ADGRG4: variants seen among roughly 807,000 people sequenced by gnomAD.
The protein encoded by ADGRG4 is G protein-coupled receptor 112.
In ADGRG4, 122 loss-of-function variants were observed where a neutral mutation model predicts 126.2. The observed-to-expected ratio is 0.97, with a 90% confidence interval of 0.83 to 1.12. The LOEUF is 1.12. ADGRG4 is among the 50% of genes most tolerant of loss of function. The pLI, the probability that ADGRG4 is intolerant of heterozygous loss-of-function variation, is 0.00. For missense variants in ADGRG4, 2,481 were observed against 2,251.8 expected, an observed-to-expected ratio of 1.10 and a Z score of -2.06; for synonymous variants, 943 against 838.7, an observed-to-expected ratio of 1.12 and a Z score of -2.15.
At chrX:136,357,438 A>G (rs1206902761) in intron 9 of ADGRG4, among the ~76,000 whole-genome samples, 1 of 112,122 alleles carries the variant, frequency 8.9e-6, no homozygotes, top group African/African-American at 3.2e-5. Flanking sequence ...TGTCTTGTCA[A>G]CTGTGTGATA....
rs138853777 is a variant in ADGRG4 at position 136,323,387 on chromosome X, G to C, written c.680G>C (p.Arg227Pro). The C allele has an allele frequency of 8.4e-7, 1 of 1,196,611 alleles. No individual in the cohort carries two copies. The highest frequency in any genetic ancestry group is 1.8e-5 in the African/African-American group (1 of 56,590). ...KIIPTVDRTL[R>P]CFVPENMTIQ... is the part of the protein sequence containing the mutation. The stretch of plus-strand genomic sequence containing the variant: ...ATCCCAACTGTTGACAGGACACTGC[G>C]CTGCTGTGAGTAACTTAACAACTTT... The change falls in exon 5 of 26, where the codon CGC becomes CCC. Residue 227 changes from arginine to proline, a missense_variant. Arg to Pro is a moderately radical substitution (Grantham distance 103). Transcript: ENST00000394143.
intron 5 of ADGRG4, among the ~76,000 whole-genome samples, chrX:136,326,535 C>G (rs2074874360): frequency 9.0e-6 from 1 of 111,285 alleles, no homozygotes; most frequent in Non-Finnish European, 1.9e-5. Flanking sequence ...TCTGTGGCCC[C>G]CAAAATGTTA....
At chrX:136,343,967 T>A (rs1176025064) in intron 5 of ADGRG4, among the ~76,000 whole-genome samples, 1 of 111,886 alleles carries the variant, frequency 8.9e-6, no homozygotes, top group African/African-American at 3.2e-5. Context: ...TTTTTTCTTT[T>A]TGGAATATTT....
chrX:136,310,926 A>G lies in ADGRG4; in HGVS notation c.70+2079A>G, dbSNP rs761283612. Among the ~76,000 whole-genome samples the G allele has an allele frequency of 2.7e-5, 3 of 111,594 alleles. No individual in the cohort carries two copies. In the East Asian group the frequency reaches 8.5e-4, roughly 32 times the overall value. The stretch of plus-strand genomic sequence containing the variant: ...TCTGTCTTAGTCTGCTCAGGATGCC[A>G]TAACAAAATACTATAGATTGGATGA... On this transcript the variant is annotated intron_variant, in intron 4 of 25. Coordinates refer to ENST00000394143, the MANE Select transcript of ADGRG4 (RefSeq NM_153834.4).
intron 3 of ADGRG4, 100 bp from the exon 4 acceptor site, chrX:136,308,669 C>A: frequency 1.8e-6 from 1 of 550,578 alleles, no homozygotes; most frequent in Non-Finnish European, 3.1e-6. Flanking sequence ...TAGGAAAAAA[C>A]CCTTAGGTGG....
At chrX:136,357,659 T>C (rs778717020) in intron 9 of ADGRG4, 45 bp from the exon 10 acceptor site, 2 of 927,840 alleles carry the variant, frequency 2.2e-6, no homozygotes, top group Admixed American at 2.4e-5. Context: ...AGTTATGACA[T>C]TTGTTTAAAG....
chrX:136,384,066 T>C (rs754831821), intron 15 of ADGRG4, among the ~76,000 whole-genome samples: 2 of 108,825 alleles, frequency 1.8e-5, no homozygotes, highest in East Asian at 5.7e-4. Context: ...CTGTTGTTTT[T>C]TTATTTATTT....
Position 136,395,435 on chromosome X carries a change from C to T in ADGRG4, c.8126C>T (p.Thr2709Ile). ...TCGTCAGGCTGTAAAGTAAAGGAAA[C>T]AAATGTAAATTACACAATCTGTCAG... Reference protein sequence around the residue: ...WNSSGCKVKETNVNYTICQCD... With the variant: ...WNSSGCKVKEINVNYTICQCD... The change falls in exon 19 of 26, where the codon ACA becomes ATA. Residue 2709 changes from threonine to isoleucine, a missense_variant. By Grantham distance (89) the Thr-to-Ile change is moderately conservative. Transcript: ENST00000394143. 2 of 1,204,858 alleles carry T rather than the reference C, an allele frequency of 1.7e-6. No individual in the cohort carries two copies. Among genetic ancestry groups the T allele is most frequent in the Non-Finnish European group, 2.2e-6 (2 of 889,791 alleles).
At chrX:136,412,226 A>G in intron 23 of ADGRG4, 39 bp from the exon 24 acceptor site, 1 of 977,129 alleles carries the variant, frequency 1.0e-6, no homozygotes, top group South Asian at 1.9e-5. Flanking sequence ...CAGCTGGTGA[A>G]AGAAACCAAA....
At chrX:136,330,361 A>C (rs1177145678) in intron 5 of ADGRG4, among the ~76,000 whole-genome samples, 2 of 109,694 alleles carry the variant, frequency 1.8e-5, no homozygotes, top group Non-Finnish European at 3.8e-5. Context: ...ATGGAATCAC[A>C]CATTATGTAA....
chrX:136,344,572 C>A lies in ADGRG4; in HGVS notation c.866C>A (p.Thr289Lys). The A allele has an allele frequency of 8.3e-7, 1 of 1,202,460 alleles. No individual in the cohort carries two copies. ...TACACAACCATATCATATTCCAATACAACATCTCCACCTCTGGAAACAATG... is the reference window on the plus strand; with the variant it reads ...TACACAACCATATCATATTCCAATAAAACATCTCCACCTCTGGAAACAATG... ...TDYTTISYSN[T>K]TSPPLETMTA... Residue 289 changes from threonine (T) to lysine (K), a missense_variant, in exon 6 of 26, where the codon ACA (threonine) becomes AAA (lysine). Thr to Lys is a moderately conservative substitution (Grantham distance 78). Transcript: ENST00000394143.
chrX:136,362,413 A>C (rs1287743093), intron 12 of ADGRG4, among the ~76,000 whole-genome samples: 1 of 111,104 alleles, frequency 9.0e-6, no homozygotes, highest in Non-Finnish European at 1.9e-5. Flanking sequence ...TTGCCATCTA[A>C]CTTAACAGTA....
In ADGRG4 at chrX:136,397,790, C is replaced by G. The variant is rs899859540; in HGVS notation, c.8185-91C>G. Reference sequence around the variant, plus strand: ...GAGCTATGGCAGAAATGTTATACATCCTGGGAACTTCCTGTTAGTGAACAC... The same window carrying G: ...GAGCTATGGCAGAAATGTTATACATGCTGGGAACTTCCTGTTAGTGAACAC... On this transcript the variant is annotated intron_variant, in intron 19 of 25. Coordinates refer to ENST00000394143, the MANE Select transcript of ADGRG4 (RefSeq NM_153834.4). The G allele has an allele frequency of 4.5e-6, 4 of 882,947 alleles. No homozygotes were observed. The Admixed American group carries it at 7.2e-5, about 16-fold the overall frequency. The allele number at this position is 882,947 out of a possible 1,213,427, so 72.8% of individuals were successfully genotyped here.
Position 136,349,075 on chromosome X carries a change from G to T in ADGRG4, c.5369G>T (p.Cys1790Phe), listed in dbSNP as rs765850276. ...AAAAATGTTAAAACAACCACCAATT[G>T]CTTTTCTTCTAATACTAGAAAGATG... ...PTKNVKTTTN[C>F]FSSNTRKMTS... The change falls in exon 6 of 26, where the codon TGC becomes TTC. Residue 1790 changes from cysteine (C) to phenylalanine (F), a missense_variant. Transcript: ENST00000394143. 3.3e-6 allele frequency: 4 copies of T among 1,206,436 alleles called. No homozygotes were observed. Among genetic ancestry groups the T allele is most frequent in the African/African-American group, 1.7e-5 (1 of 57,472 alleles).
At chrX:136,364,459 TTC>T (rs1050905044) in intron 13 of ADGRG4, among the ~76,000 whole-genome samples, 44 of 112,270 alleles carry the variant, frequency 3.9e-4, no homozygotes, top group African/African-American at 1.2e-3. Context: ...ATAAAGAATT[TTC>T]TCTTTCTTTT....
At chrX:136,329,979 C>T (rs1378625008) in intron 5 of ADGRG4, among the ~76,000 whole-genome samples, 1 of 110,933 alleles carries the variant, frequency 9.0e-6, no homozygotes, top group African/African-American at 3.3e-5. Flanking sequence ...GATTCACATG[C>T]AGTTGGAAAT....
At position 136,397,199 on chromosome X, in the gene ADGRG4, C is replaced by T. The variant is rs773082037; in HGVS notation, c.8185-682C>T. 4.5e-5 allele frequency among the ~76,000 whole-genome samples: 5 copies of T among 111,307 alleles called. No individual in the cohort carries two copies. In the East Asian group the frequency reaches 1.4e-3, roughly 31 times the overall value. ...TAGCACTCTCCCCAGTTGTGACAAC[C>T]AAAAATGTCTCCAGATACTGCCAAA... On this transcript the variant is annotated intron_variant, in intron 19 of 25. Transcript: ENST00000394143.
intron 13 of ADGRG4, among the ~76,000 whole-genome samples, chrX:136,369,798 C>T (rs1216695557): frequency 8.9e-6 from 1 of 111,957 alleles, no homozygotes; most frequent in Non-Finnish European, 1.9e-5. Context: ...TGTTTAATCT[C>T]CTGTCCTCCT....
Position 136,345,170 on chromosome X carries a change from G to A in ADGRG4, c.1464G>A (p.Gln488=). 2.5e-6 allele frequency: 3 copies of A among 1,210,726 alleles called. No individual in the cohort carries two copies. The highest frequency in any genetic ancestry group is 3.4e-6 in the Non-Finnish European group (3 of 894,655). The change falls in exon 6 of 26, where the codon CAG becomes CAA. Residue 488 remains glutamine, a synonymous_variant. Transcript: ENST00000394143. ...APVDSVFPRN[Q]TAFPLATTDM... The stretch of plus-strand genomic sequence containing the variant: ...TAGATTCTGTATTTCCTAGAAACCA[G>A]ACAGCATTTCCATTGGCAACAACTG...
Sources: gnomAD v4.1 joint callset for allele counts (sites outside exome capture counted in the v4.1 genomes callset) on GRCh38, gnomAD v4.1.1 for gene constraint, MANE v1.5 for transcripts, NCBI Gene and HGNC (gene_info 2026-07-23, HGNC 2026-07-21) for gene names.